The following RAPGEF6 variants were observed in gnomAD, a reference collection of about 807,000 sequenced individuals.
The protein encoded by RAPGEF6 is PDZ domain containing guanine nucleotide exchange factor (GEF) 2.
A neutral mutation model predicts 171.4 loss-of-function variants in RAPGEF6; 56 were observed. That is an observed-to-expected ratio of 0.33 (90% confidence interval 0.26 to 0.41). The LOEUF (loss-of-function observed/expected upper bound fraction) is 0.41. RAPGEF6 is among the 10% of genes least tolerant of loss of function. The probability of loss-of-function intolerance (pLI) is 1.00; values close to 1 mark genes in which losing one functional copy is unlikely to be tolerated. For missense variants in RAPGEF6, 1,674 were observed against 1,921.4 expected, an observed-to-expected ratio of 0.87 and a Z score of 2.41; for synonymous variants, 692 against 650.1, an observed-to-expected ratio of 1.06 and a Z score of -0.98.
chr5:131,429,256 G>T (rs369418854), intron 26 of RAPGEF6, 40 bp from the exon 27 acceptor site: 50 of 1,417,108 alleles, frequency 3.5e-5, no homozygotes, highest in Non-Finnish European at 4.4e-5. Context: ...TAATGAAAAA[G>T]AAATGGAAAA....
intron 6 of RAPGEF6, among the ~76,000 whole-genome samples, chr5:131,538,568 ATAC>A (rs1267734459): frequency 6.6e-6 from 1 of 152,190 alleles, no homozygotes; most frequent in Admixed American, 6.5e-5. Context: ...TTACACAAAA[ATAC>A]TACACCATTT....
chr5:131,431,971 T>C (rs548150504), intron 25 of RAPGEF6, among the ~76,000 whole-genome samples: 7 of 152,238 alleles, frequency 4.6e-5, no homozygotes, highest in South Asian at 2.1e-4. Flanking sequence ...GTTAGCCCAG[T>C]ACAGTGCCAA....
chr5:131,611,948 C>T (rs1286014003), intron 1 of RAPGEF6, among the ~76,000 whole-genome samples: 3 of 152,150 alleles, frequency 2.0e-5, no homozygotes, highest in African/African-American at 7.2e-5. Context: ...TAGAGACAGT[C>T]CCCATCTTAC....
intron 5 of RAPGEF6, among the ~76,000 whole-genome samples, chr5:131,559,223 G>T (rs1426678587): frequency 2.0e-5 from 3 of 152,094 alleles, no homozygotes; most frequent in African/African-American, 7.2e-5. Flanking sequence ...CAGCTACCTG[G>T]GAGGCTGAGG....
intron 24 of RAPGEF6, among the ~76,000 whole-genome samples, chr5:131,439,079 C>A (rs112148559): frequency 2.6e-5 from 4 of 152,142 alleles, no homozygotes; most frequent in African/African-American, 9.6e-5. Context: ...CACCACCATG[C>A]CTAAGTTTTA....
In RAPGEF6 at chr5:131,426,859, T is replaced by TA. The variant is rs1242275227; in HGVS notation, c.*406dup. 2.2e-5 allele frequency: 4 copies of TA among 183,568 alleles called. No individual in the cohort carries two copies. Among genetic ancestry groups the TA allele is most frequent in the Admixed American group, 6.2e-5 (1 of 16,032 alleles). The allele number at this position is 183,568 out of a possible 1,614,324, so 11.4% of individuals were successfully genotyped here. ...TTCAAATATACAAGAATATCCTTGG[T>TA]ATTGGCAGACAATTTCAATTTGTCC... On this transcript the variant is annotated 3_prime_UTR_variant, in exon 28 of 28. Coordinates refer to ENST00000509018, the MANE Select transcript of RAPGEF6 (RefSeq NM_016340.6).
intron 3 of RAPGEF6, among the ~76,000 whole-genome samples, chr5:131,599,499 G>A (rs1175776832): frequency 7.2e-6 from 1 of 139,326 alleles, no homozygotes; most frequent in Non-Finnish European, 1.7e-5. Flanking sequence ...AGACCACACA[G>A]AGATACACAC....
intron 1 of RAPGEF6, among the ~76,000 whole-genome samples, chr5:131,619,782 T>A (rs577333371): frequency 6.6e-6 from 1 of 152,212 alleles, no homozygotes; most frequent in African/African-American, 2.4e-5. Flanking sequence ...ATATGGTTCT[T>A]TCTGGATTCT....
At chr5:131,461,624 G>A in intron 19 of RAPGEF6, 81 bp downstream of exon 19, 1 of 1,283,590 alleles carries the variant, frequency 7.8e-7, no homozygotes, top group Non-Finnish European at 1.1e-6. Context: ...CTTTTCATAG[G>A]CATTGAATAC....
Position 131,448,980 on chromosome 5 carries a change from A to G in RAPGEF6, c.3201-2277T>C, listed in dbSNP as rs188879355. ...GAGAAAGAAAATAGAAGGAAAGTCAAGTTCACCAAGCATTAACAGAAAATA... is the reference window on the plus strand; with the variant it reads ...GAGAAAGAAAATAGAAGGAAAGTCAGGTTCACCAAGCATTAACAGAAAATA... On this transcript the variant is annotated intron_variant, in intron 21 of 27. Coordinates refer to ENST00000509018, the MANE Select transcript of RAPGEF6 (RefSeq NM_016340.6). Among the ~76,000 whole-genome samples, 21 of 152,296 alleles carry G rather than the reference A, an allele frequency of 1.4e-4. No individual in the cohort carries two copies. In the East Asian group the frequency reaches 3.7e-3, roughly 27 times the overall value.
chr5:131,612,504 C>G (rs56262921), intron 1 of RAPGEF6, among the ~76,000 whole-genome samples: 4,061 of 152,028 alleles, frequency 0.027, 189 homozygotes, highest in African/African-American at 0.093. Context: ...TGATATAACC[C>G]CATTGTAAGT....
intron 5 of RAPGEF6, among the ~76,000 whole-genome samples, chr5:131,551,812 C>T (rs1177907694): frequency 6.6e-6 from 1 of 152,028 alleles, no homozygotes; most frequent in Non-Finnish European, 1.5e-5. Flanking sequence ...AAAGAAAAAT[C>T]TAATCATGAT....
chr5:131,461,362 A>AG (rs113386354), intron 19 of RAPGEF6, among the ~76,000 whole-genome samples: 34,135 of 151,904 alleles, frequency 0.22, 4,060 homozygotes, highest in East Asian at 0.49. Context: ...TACTTAAAAA[A>AG]GCACAGTACA....
chr5:131,479,747 T>C lies in RAPGEF6; in HGVS notation c.1847A>G (p.Lys616Arg). ...TTGTTCAGTCCTAAAAAGTAACTCT[T>C]TGAACACTGTGGAAATAAAACAAAT... Reference protein sequence around the residue: ...LTVKTNIFVFKELLFRTEQEK... With the variant: ...LTVKTNIFVFRELLFRTEQEK... The change falls in exon 16 of 28, where the codon AAA becomes AGA. Residue 616 changes from lysine to arginine, a missense_variant. Around this residue, in one of 3 missense-constraint regions of RAPGEF6, gnomAD observed 1,116 missense variants for 1,321.5 expected, o/e 0.84. Transcript: ENST00000509018. 3 of 1,612,190 alleles carry C rather than the reference T, an allele frequency of 1.9e-6. No individual in the cohort carries two copies. Among genetic ancestry groups the C allele is most frequent in the Non-Finnish European group, 2.5e-6 (3 of 1,179,304 alleles).
chr5:131,552,544 T>G (rs1760983762), intron 5 of RAPGEF6, among the ~76,000 whole-genome samples: 1 of 151,666 alleles, frequency 6.6e-6, no homozygotes, highest in South Asian at 2.1e-4. Context: ...CACTGCAACC[T>G]TCACCTCCCA....
chr5:131,603,612 C>G (rs1255782144), intron 2 of RAPGEF6, among the ~76,000 whole-genome samples: 2 of 151,928 alleles, frequency 1.3e-5, no homozygotes, highest in African/African-American at 4.8e-5. Flanking sequence ...GTTTTCATTA[C>G]AAAAAATATA....
At chr5:131,440,828 C>A (rs1483983298) in intron 23 of RAPGEF6, among the ~76,000 whole-genome samples, 4 of 150,816 alleles carry the variant, frequency 2.7e-5, no homozygotes, top group Admixed American at 2.6e-4. Flanking sequence ...AGTAAAAAAA[C>A]CAGAGCTAAC....
chr5:131,522,205 A>G (rs566819097), intron 6 of RAPGEF6, among the ~76,000 whole-genome samples: 25 of 152,144 alleles, frequency 1.6e-4, no homozygotes, highest in Non-Finnish European at 3.4e-4. Flanking sequence ...CCTCATCTTT[A>G]ATATGGTCGC....
At chr5:131,533,047 A>T (rs1759502087) in intron 6 of RAPGEF6, 2 of 152,484 alleles carry the variant, frequency 1.3e-5, no homozygotes, top group African/African-American at 4.8e-5. Flanking sequence ...AAGGAAAGAG[A>T]GTGGGAGGAG....
Sources: allele counts gnomAD v4.1 joint callset (sites outside exome capture counted in the v4.1 genomes callset), GRCh38; gene constraint gnomAD v4.1.1; regional missense constraint gnomAD v4.1.1; transcripts MANE v1.5; gene names NCBI Gene and HGNC (gene_info 2026-07-23, HGNC 2026-07-21).